The following ROBO1 variants were observed in gnomAD, a reference collection of about 807,000 sequenced individuals.
The protein encoded by ROBO1 is roundabout guidance receptor 1.
Under a neutral mutation model 195.9 loss-of-function variants are expected in ROBO1, and 149 were observed. The observed-to-expected ratio is 0.76, with a 90% CI of 0.67 to 0.87. ROBO1 has a LOEUF of 0.87. Ranked by LOEUF, ROBO1 falls within the 40% of genes least tolerant of loss-of-function variation. The probability of loss-of-function intolerance (pLI) is 0.00; values close to 1 mark genes in which losing one functional copy is unlikely to be tolerated. For missense variants in ROBO1, 1,933 were observed against 2,068.3 expected (o/e 0.93, Z 1.27); for synonymous variants, 816 against 733.2 (o/e 1.11, Z -1.82).
chr3:79,327,169 C>T (rs2109153476), intron 2 of ROBO1, among the ~76,000 whole-genome samples: 1 of 152,068 alleles, frequency 6.6e-6, no homozygotes, highest in African/African-American at 2.4e-5. Context: ...TTTAGAATTT[C>T]AGGACTTTGC....
intron 4 of ROBO1, among the ~76,000 whole-genome samples, chr3:78,829,352 C>T (rs2031936122): frequency 6.6e-6 from 1 of 152,064 alleles, no homozygotes; most frequent in Non-Finnish European, 1.5e-5. Flanking sequence ...ATTTGGAAAA[C>T]AAAATATATT....
At chr3:79,203,512 C>T (rs1299072039) in intron 2 of ROBO1, among the ~76,000 whole-genome samples, 7 of 152,092 alleles carry the variant, frequency 4.6e-5, no homozygotes, top group African/African-American at 1.7e-4. Flanking sequence ...GTTGCAAACT[C>T]CTTGAAATTT....
At chr3:78,673,473 A>AATATATATATATAT (rs1012808608) in intron 10 of ROBO1, among the ~76,000 whole-genome samples, 3 of 143,030 alleles carry the variant, frequency 2.1e-5, no homozygotes, top group Non-Finnish European at 4.5e-5. Context: ...CTGTTATAAA[A>AATATATATATATAT]ATATATATAT....
intron 2 of ROBO1, among the ~76,000 whole-genome samples, chr3:79,311,681 C>A (rs145839139): frequency 2.6e-5 from 4 of 152,140 alleles, no homozygotes; most frequent in African/African-American, 9.6e-5. Context: ...AGAGATGTGG[C>A]CTCCAGTAAT....
intron 1 of ROBO1, among the ~76,000 whole-genome samples, chr3:79,605,259 C>T (rs547291672): frequency 1.1e-4 from 12 of 109,132 alleles, no homozygotes; most frequent in Admixed American, 4.0e-4. Flanking sequence ...TTTTTTTTAA[C>T]TCTTCTTTTT....
intron 2 of ROBO1, among the ~76,000 whole-genome samples, chr3:79,474,374 T>C (rs1044067417): frequency 2.6e-5 from 4 of 152,150 alleles, no homozygotes; most frequent in Non-Finnish European, 5.9e-5. Context: ...AATCTTGTTT[T>C]CACTTTTATT....
chr3:78,938,578 C>T, intron 4 of ROBO1, 23 bp downstream of exon 4: 1 of 1,583,628 alleles, frequency 6.3e-7, no homozygotes, highest in Non-Finnish European at 8.6e-7. Flanking sequence ...CTCTGCCAAA[C>T]ACAGAGCGCC....
At chr3:78,830,908 GTTTT>G (rs1382527722) in intron 4 of ROBO1, among the ~76,000 whole-genome samples, 6 of 148,116 alleles carry the variant, frequency 4.1e-5, no homozygotes, top group Non-Finnish European at 9.1e-5. Context: ...TTGTTTGTTT[GTTTT>G]GTTTTTGTTT....
chr3:78,862,339 A>T (rs1358531825), intron 4 of ROBO1, among the ~76,000 whole-genome samples: 1 of 152,158 alleles, frequency 6.6e-6, no homozygotes, highest in Non-Finnish European at 1.5e-5. Context: ...TCTGATAACC[A>T]CTAGGAATTG....
intron 3 of ROBO1, among the ~76,000 whole-genome samples, chr3:79,110,092 A>G (rs1309868390): frequency 5.3e-5 from 8 of 151,990 alleles, no homozygotes; most frequent in Non-Finnish European, 8.8e-5. Context: ...TCTCTTTCTC[A>G]CTCGGTCCCT....
At chr3:79,407,608 T>C (rs1199074925) in intron 2 of ROBO1, among the ~76,000 whole-genome samples, 1 of 152,166 alleles carries the variant, frequency 6.6e-6, no homozygotes, top group Non-Finnish European at 1.5e-5. Flanking sequence ...GGTGTTATTT[T>C]AGTGGGTATG....
rs73122668 is a variant in ROBO1, at chr3:79,019,785, T to C, written c.173-80858A>G. Among the ~76,000 whole-genome samples, 330 of 152,164 alleles carry C rather than the reference T, an allele frequency of 2.2e-3. 2 individuals carry two copies. The highest frequency in any genetic ancestry group is 3.3e-3 in the Non-Finnish European group (226 of 68,002). ...ACTTCAAAAATCCTCCTGGTCCAAC[T>C]TAACCTCTTCCTTGCCGCTTCCAGG... is the stretch of plus-strand genomic sequence containing the variant. On this transcript the variant is annotated intron_variant, in intron 3 of 30. Transcript: ENST00000464233.
At chr3:79,468,707 C>T (rs1167118486) in intron 2 of ROBO1, among the ~76,000 whole-genome samples, 1 of 151,992 alleles carries the variant, frequency 6.6e-6, no homozygotes, top group African/African-American at 2.4e-5. Flanking sequence ...ATGACCAGTT[C>T]CTGCCTCCAA....
At chr3:78,748,146 T>C (rs2082702254) in intron 4 of ROBO1, among the ~76,000 whole-genome samples, 1 of 152,194 alleles carries the variant, frequency 6.6e-6, no homozygotes, top group Non-Finnish European at 1.5e-5. Flanking sequence ...TATTTATCTT[T>C]TAAAACCTAT....
chr3:78,972,349 A>C (rs2076787518), intron 3 of ROBO1, among the ~76,000 whole-genome samples: 1 of 152,216 alleles, frequency 6.6e-6, no homozygotes, highest in Non-Finnish European at 1.5e-5. Context: ...TAGTATAATC[A>C]TAACATCATA....
intron 2 of ROBO1, among the ~76,000 whole-genome samples, chr3:79,463,388 A>G (rs950830576): frequency 6.9e-5 from 10 of 145,080 alleles, no homozygotes; most frequent in African/African-American, 2.6e-4. Flanking sequence ...AAAAAAACAT[A>G]AAACAAAAAA....
rs374706586 is a variant in ROBO1 at position 79,283,940 on chromosome 3, G to A, written c.89-158401C>T. Among the ~76,000 whole-genome samples, 5 of 151,832 alleles carry A rather than the reference G, an allele frequency of 3.3e-5. No homozygotes were observed. In the South Asian group the frequency reaches 6.2e-4, roughly 19 times the overall value. On this transcript the variant is annotated intron_variant, in intron 2 of 30. Transcript: ENST00000464233. ...TCTCGATCTCCTGACCTCGTGATCC[G>A]CCCGCCTCGGCCTCCCAAAGTGCTG...
At chr3:79,253,046 AAAAT>A (rs2082761831) in intron 2 of ROBO1, among the ~76,000 whole-genome samples, 1 of 152,310 alleles carries the variant, frequency 6.6e-6, no homozygotes, top group Admixed American at 6.5e-5. Flanking sequence ...TTTAATATGA[AAAAT>A]ACATCCACAC....
chr3:78,945,660 C>A (rs907913055), intron 3 of ROBO1, among the ~76,000 whole-genome samples: 8 of 152,198 alleles, frequency 5.3e-5, no homozygotes, highest in Non-Finnish European at 8.8e-5. Flanking sequence ...CGGAACAAAA[C>A]TGGATGGAGA....
Sources: gnomAD v4.1 joint callset for allele counts (sites outside exome capture counted in the v4.1 genomes callset) on GRCh38, gnomAD v4.1.1 for gene constraint, MANE v1.5 for transcripts, NCBI Gene and HGNC (gene_info 2026-07-23, HGNC 2026-07-21) for gene names.